NALF1: variants seen among roughly 807,000 people sequenced by gnomAD.
NALF1 encodes the protein family with sequence similarity 155 member A.
In NALF1, 3 loss-of-function variants were observed where a neutral mutation model predicts 48.4. The ratio of observed to expected loss-of-function variants is 0.06; its 90% CI spans 0.03 to 0.16. The LOEUF is 0.16. NALF1 is among the 10% of genes least tolerant of loss of function. The pLI is 1.00. For missense variants in NALF1, 526 were observed against 571.5 expected, an observed-to-expected ratio of 0.92 and a Z score of 0.81; for synonymous variants, 262 against 245.7, an observed-to-expected ratio of 1.07 and a Z score of -0.62.
intron 1 of NALF1, among the ~76,000 whole-genome samples, chr13:107,285,256 G>A (rs1881470178): frequency 1.3e-5 from 2 of 152,278 alleles, no homozygotes; most frequent in Middle Eastern, 6.8e-3. Flanking sequence ...AAGAGAAGCT[G>A]CTTGCACTTT....
chr13:107,459,366 TA>T lies in NALF1; in HGVS notation c.916-248612del, dbSNP rs375336816. 2.1e-3 allele frequency among the ~76,000 whole-genome samples: 309 copies of T among 149,830 alleles called. 2 individuals are homozygous for T. Among genetic ancestry groups the T allele is most frequent in the South Asian group, 0.015 (69 of 4,664 alleles). On this transcript the variant is annotated intron_variant, in intron 1 of 2. Transcript: ENST00000375915. ...CTAGAGCTAGCAAATTGTAAATTGA[TA>T]AAAGCTTTTAAGGTAAAACATACAA...
chr13:107,210,459 G>C, intron 2 of NALF1, 125 bp downstream of exon 2: 1 of 677,008 alleles, frequency 1.5e-6, no homozygotes, highest in East Asian at 2.6e-5. Flanking sequence ...TAGTGAAAGT[G>C]CGGAAAACTA....
At chr13:107,318,592 G>A (rs547920968) in intron 1 of NALF1, among the ~76,000 whole-genome samples, 66 of 152,146 alleles carry the variant, frequency 4.3e-4, no homozygotes, top group African/African-American at 1.4e-3. Context: ...AAACTTTCAC[G>A]TATTGTGGTG....
chr13:107,388,392 G>C (rs1256449967), intron 1 of NALF1, among the ~76,000 whole-genome samples: 2 of 152,170 alleles, frequency 1.3e-5, no homozygotes, highest in Non-Finnish European at 2.9e-5. Flanking sequence ...AACTGTAAAA[G>C]TAGTGTGGCC....
chr13:107,429,080 T>C (rs1411508540), intron 1 of NALF1, among the ~76,000 whole-genome samples: 1 of 152,110 alleles, frequency 6.6e-6, no homozygotes, highest in African/African-American at 2.4e-5. Flanking sequence ...CCCAGCACTT[T>C]GGGAGGCTGA....
At chr13:107,525,594 T>C (rs1347135481) in intron 1 of NALF1, among the ~76,000 whole-genome samples, 1 of 152,268 alleles carries the variant, frequency 6.6e-6, no homozygotes, top group South Asian at 2.1e-4. Flanking sequence ...AACTTTGGTA[T>C]AAACATATAT....
At chr13:107,464,679 C>T (rs1884972189) in intron 1 of NALF1, among the ~76,000 whole-genome samples, 1 of 152,012 alleles carries the variant, frequency 6.6e-6, no homozygotes. Flanking sequence ...AACAGCTACG[C>T]CTGGCAAATT....
chr13:107,860,487 C>T (rs963817529), intron 1 of NALF1, among the ~76,000 whole-genome samples: 2 of 152,156 alleles, frequency 1.3e-5, no homozygotes, highest in Non-Finnish European at 2.9e-5. Flanking sequence ...ACCCATGACA[C>T]CGGCAGGACG....
intron 1 of NALF1, among the ~76,000 whole-genome samples, chr13:107,239,340 T>G (rs1352551879): frequency 5.9e-5 from 9 of 152,170 alleles, no homozygotes; most frequent in Non-Finnish European, 1.5e-5. Flanking sequence ...TCACCCTCAG[T>G]GCTCCCTGGT....
chr13:107,175,057 T>A (rs1201980711), intron 2 of NALF1, among the ~76,000 whole-genome samples: 20 of 21,254 alleles, frequency 9.4e-4, no homozygotes, highest in South Asian at 2.2e-3. Flanking sequence ...CTAACTTTTT[T>A]TTTTTGTATT....
chr13:107,470,031 C>A (rs1170825428), intron 1 of NALF1, among the ~76,000 whole-genome samples: 1 of 152,052 alleles, frequency 6.6e-6, no homozygotes, highest in Non-Finnish European at 1.5e-5. Flanking sequence ...GCATGAGCCA[C>A]CACGCCCGAC....
Position 107,170,329 on chromosome 13 carries a change from C to T in NALF1, c.*168G>A. ...TTCCAGCCTTTTAGTCAATAAAAAG[C>T]TGTGGTTGTGTCCTTGTTTGGATTC... On this transcript the variant is annotated 3_prime_UTR_variant, in exon 3 of 3. Coordinates refer to ENST00000375915, the MANE Select transcript of NALF1 (RefSeq NM_001080396.3). 5.2e-6 allele frequency: 3 copies of T among 576,726 alleles called. No homozygotes were observed. The highest frequency in any genetic ancestry group is 9.0e-6 in the Non-Finnish European group (3 of 333,382). The allele number at this position is 576,726 out of a possible 1,614,324, so 35.7% of individuals were successfully genotyped here.
At position 107,477,087 on chromosome 13, in the gene NALF1, CT is replaced by C. The variant is rs1434723366; in HGVS notation, c.916-266333del. On this transcript the variant is annotated intron_variant, in intron 1 of 2. Coordinates refer to ENST00000375915, the MANE Select transcript of NALF1 (RefSeq NM_001080396.3). ...TCATCTTTGTCTTCTATTTCAATTTCTGAAAAATAGAAATTTGTACACTTGA... is the reference window on the plus strand; with the variant it reads ...TCATCTTTGTCTTCTATTTCAATTTCGAAAAATAGAAATTTGTACACTTGA... Among the ~76,000 whole-genome samples, 3 of 152,056 alleles carry C rather than the reference CT, an allele frequency of 2.0e-5. No individual in the cohort carries two copies. In the East Asian group the frequency reaches 5.8e-4, roughly 29 times the overall value.
intron 1 of NALF1, among the ~76,000 whole-genome samples, chr13:107,771,987 G>A (rs1285122315): frequency 6.6e-6 from 1 of 151,954 alleles, no homozygotes; most frequent in African/African-American, 2.4e-5. Context: ...TGCCCGCCTC[G>A]GCCTCCCAAA....
At chr13:107,700,243 GT>G (rs1036335152) in intron 1 of NALF1, among the ~76,000 whole-genome samples, 2 of 151,828 alleles carry the variant, frequency 1.3e-5, no homozygotes, top group Non-Finnish European at 2.9e-5. Flanking sequence ...AAAATTCCTG[GT>G]TAAAAATTGT....
intron 1 of NALF1, among the ~76,000 whole-genome samples, chr13:107,613,030 A>C (rs566715468): frequency 6.6e-6 from 1 of 151,656 alleles, no homozygotes; most frequent in South Asian, 2.1e-4. Flanking sequence ...GAAAAGAAAG[A>C]AATGAGTCCC....
rs9558972 is a variant in NALF1 at position 107,193,471 on chromosome 13, A to T, written c.1087+17113T>A. 1.6e-3 allele frequency among the ~76,000 whole-genome samples: 244 copies of T among 152,074 alleles called. 1 individual carries two copies. The highest frequency in any genetic ancestry group is 5.5e-3 in the African/African-American group (230 of 41,500). On this transcript the variant is annotated intron_variant, in intron 2 of 2. Transcript: ENST00000375915. ...GACCTGTAAGGAGATTCATGTAGGC[A>T]TTGTTGGTCTCATTAATGGCAACAC... is the stretch of plus-strand genomic sequence containing the variant.
rs966378213 is a variant in NALF1, at chr13:107,300,282, C to T, written c.916-89527G>A. Among the ~76,000 whole-genome samples the T allele has an allele frequency of 3.9e-5, 6 of 152,358 alleles. No individual in the cohort carries two copies. The East Asian group carries it at 5.8e-4, about 15-fold the overall frequency. On this transcript the variant is annotated intron_variant, in intron 1 of 2. Transcript: ENST00000375915. ...CTACCGTCCTGTTCTCTCATCTCTA[C>T]TCAGTGAGACAGCCAGGTTTTAAAT...
At chr13:107,538,275 C>CT (rs1876896402) in intron 1 of NALF1, among the ~76,000 whole-genome samples, 1 of 152,068 alleles carries the variant, frequency 6.6e-6, no homozygotes. Flanking sequence ...TGGAAAACTT[C>CT]TTTTCACTCT....
Sources: gnomAD v4.1 joint callset for allele counts (sites outside exome capture counted in the v4.1 genomes callset) on GRCh38, gnomAD v4.1.1 for gene constraint, MANE v1.5 for transcripts, NCBI Gene and HGNC (gene_info 2026-07-23, HGNC 2026-07-21) for gene names.